ZNF329: variants seen among roughly 807,000 people sequenced by gnomAD.
ZNF329 encodes zinc finger protein 329.
A neutral mutation model predicts 26.6 loss-of-function variants in ZNF329; 15 were observed. That is an observed-to-expected ratio of 0.56 (90% CI 0.38 to 0.87). The LOEUF (loss-of-function observed/expected upper bound fraction) is 0.87, where lower values mean the gene tolerates loss of function less well. ZNF329 is among the 40% of genes least tolerant of loss of function. The pLI is 0.00. For synonymous variants in ZNF329, 239 were observed against 233.5 expected, an observed-to-expected ratio of 1.02 and a Z score of -0.21; for missense variants, 651 against 651.9, an observed-to-expected ratio of 1.00 and a Z score of 0.02.
At chr19:58,145,091 C>T (rs1179935233) in intron 1 of ZNF329, among the ~76,000 whole-genome samples, 2 of 149,554 alleles carry the variant, frequency 1.3e-5, no homozygotes, top group African/African-American at 2.5e-5. Context: ...CCTCGTGACC[C>T]GCCCGCCTCG....
chr19:58,131,115 GTATA>G (rs765229456), intron 3 of ZNF329, among the ~76,000 whole-genome samples: 11 of 144,660 alleles, frequency 7.6e-5, no homozygotes, highest in African/African-American at 2.8e-4. Flanking sequence ...ATGTATATGT[GTATA>G]TGTGTGTGTG....
At chr19:58,147,916 G>A (rs968668550) in intron 1 of ZNF329, among the ~76,000 whole-genome samples, 10 of 152,068 alleles carry the variant, frequency 6.6e-5, no homozygotes, top group Middle Eastern at 3.4e-3. Context: ...CAATGAGAAC[G>A]GGCCATGATG....
chr19:58,138,574 A>G (rs2075119878), intron 3 of ZNF329, among the ~76,000 whole-genome samples: 1 of 152,148 alleles, frequency 6.6e-6, no homozygotes. Context: ...GCCGCATGAC[A>G]TGTTTCCTGT....
At chr19:58,130,726 AG>A (rs1304963551) in intron 3 of ZNF329, among the ~76,000 whole-genome samples, 1 of 151,532 alleles carries the variant, frequency 6.6e-6, no homozygotes, top group African/African-American at 2.4e-5. Flanking sequence ...CTCCAAGGCT[AG>A]GGGATGAAGG....
At chr19:58,134,695 G>C (rs1427539209) in intron 3 of ZNF329, among the ~76,000 whole-genome samples, 1 of 152,164 alleles carries the variant, frequency 6.6e-6, no homozygotes, top group Non-Finnish European at 1.5e-5. Flanking sequence ...CAGCACTTTG[G>C]TAGGCTGAGG....
chr19:58,144,663 A>G (rs929470390), intron 1 of ZNF329, among the ~76,000 whole-genome samples: 4 of 150,058 alleles, frequency 2.7e-5, no homozygotes, highest in African/African-American at 9.8e-5. Context: ...TGCTAGGATT[A>G]CAGGCATGAG....
chr19:58,149,288 G>A, intron 1 of ZNF329, among the ~76,000 whole-genome samples: 1 of 152,142 alleles, frequency 6.6e-6, no homozygotes, highest in East Asian at 1.9e-4. Context: ...TCTTGGGGCT[G>A]CTCTATCTAT....
intron 3 of ZNF329, among the ~76,000 whole-genome samples, chr19:58,134,271 T>C (rs1021045620): frequency 6.6e-6 from 1 of 151,950 alleles, no homozygotes. Context: ...AGTACTGAAG[T>C]TGAAAAACAT....
chr19:58,141,447 T>G (rs928854788), intron 3 of ZNF329, among the ~76,000 whole-genome samples: 6 of 152,132 alleles, frequency 3.9e-5, no homozygotes, highest in African/African-American at 1.4e-4. Context: ...TACAGGCATG[T>G]GCCACCATGC....
chr19:58,150,713 C>G (rs2075432765), intron 1 of ZNF329, 39 bp downstream of exon 1: 1 of 152,764 alleles, frequency 6.5e-6, no homozygotes, highest in Non-Finnish European at 1.5e-5. Context: ...CCGCAGGAAA[C>G]GGAGGCAGCG....
chr19:58,134,223 C>T (rs2146080053), intron 3 of ZNF329, among the ~76,000 whole-genome samples: 1 of 152,300 alleles, frequency 6.6e-6, no homozygotes, highest in Non-Finnish European at 1.5e-5. Flanking sequence ...ACAGGATGGA[C>T]TTCCACAACA....
chr19:58,132,112 T>C (rs2074959955), intron 3 of ZNF329: 1 of 148,558 alleles, frequency 6.7e-6, no homozygotes, highest in African/African-American at 2.4e-5. Context: ...AATTCCAAAC[T>C]GCGACTTTAA....
chr19:58,150,294 G>C (rs1030957655), intron 1 of ZNF329, among the ~76,000 whole-genome samples: 1 of 152,212 alleles, frequency 6.6e-6, no homozygotes, highest in African/African-American at 2.4e-5. Context: ...CAGCCCACTG[G>C]CTCACGGCCG....
chr19:58,128,423 G>A lies in ZNF329; in HGVS notation c.1081C>T (p.His361Tyr). ...TTTTCTCCAGTGTGAGTCCTCTCAT[G>A]CTGGGTGAGGTACGAGCCGTCCCGG... ...AFRDGSYLTQ[H>Y]ERTHTGEKPF... The change falls in exon 4 of 4, where the codon CAT becomes TAT. Residue 361 changes from histidine to tyrosine, a missense_variant. Physicochemically the swap from His to Tyr is moderately conservative, Grantham distance 83. Transcript: ENST00000598312. 1.2e-6 allele frequency: 2 copies of A among 1,614,034 alleles called. No homozygotes were observed. The highest frequency in any genetic ancestry group is 1.7e-6 in the Non-Finnish European group (2 of 1,179,984).
intron 1 of ZNF329, among the ~76,000 whole-genome samples, chr19:58,145,929 A>G (rs1269120552): frequency 6.6e-6 from 1 of 150,534 alleles, no homozygotes; most frequent in East Asian, 2.0e-4. Flanking sequence ...AATATTGGGA[A>G]TGTCAACTGA....
intron 3 of ZNF329, among the ~76,000 whole-genome samples, chr19:58,137,284 C>T (rs929653505): frequency 8.6e-5 from 13 of 151,850 alleles, no homozygotes. Context: ...CTGGGCACGG[C>T]GGCTCACACC....
At chr19:58,130,903 G>A (rs2074925586) in intron 3 of ZNF329, among the ~76,000 whole-genome samples, 1 of 152,064 alleles carries the variant, frequency 6.6e-6, no homozygotes, top group Non-Finnish European at 1.5e-5. Flanking sequence ...GTGCAGTGGT[G>A]TGATCTTGGT....
chr19:58,130,456 A>G (rs1263416335), intron 3 of ZNF329, among the ~76,000 whole-genome samples: 1 of 151,796 alleles, frequency 6.6e-6, no homozygotes, highest in Non-Finnish European at 1.5e-5. Context: ...GCAGATCACA[A>G]GGTCAGGAGA....
At position 58,128,697 on chromosome 19, in the gene ZNF329, A is replaced by C. The variant is rs912037959; in HGVS notation, c.807T>G (p.Ser269Arg). Residue 269 changes from serine (S) to arginine (R), a missense_variant, in exon 4 of 4, where the codon AGT (serine) becomes AGG (arginine). By Grantham distance (110) the Ser-to-Arg change is moderately radical (BLOSUM62 -1). Transcript: ENST00000598312. ...YECSKCGKAF[S>R]DGSALTQHQR... ...GGTGCTGTGTCAGAGCTGAGCCATC[A>C]CTGAAAGCTTTCCCACATTTACTGC... 8 of 1,605,680 alleles carry C rather than the reference A, an allele frequency of 5.0e-6. No homozygotes were observed. The Admixed American group carries it at 1.0e-4, about 20-fold the overall frequency.
Sources: gnomAD v4.1 joint callset for allele counts (sites outside exome capture counted in the v4.1 genomes callset) on GRCh38, gnomAD v4.1.1 for gene constraint, MANE v1.5 for transcripts, NCBI Gene and HGNC (gene_info 2026-07-23, HGNC 2026-07-21) for gene names.